Variants in NKAIN2 observed in about 807,000 individuals in gnomAD.
The protein encoded by NKAIN2 is sodium/potassium transporting ATPase interacting 2.
NKAIN2 carries 14 observed loss-of-function variants against 32.6 expected under a neutral mutation model. The observed-to-expected ratio is 0.43, with a 90% confidence interval of 0.28 to 0.67. NKAIN2 has a LOEUF of 0.67. Among genes scored for constraint, NKAIN2 ranks in the 30% least tolerant of loss-of-function variants. The probability of loss-of-function intolerance (pLI) is 0.17; values close to 1 mark genes in which losing one functional copy is unlikely to be tolerated. For synonymous variants in NKAIN2, 80 were observed against 87.2 expected (o/e 0.92, Z 0.46); for missense variants, 198 against 258.3 (o/e 0.77, Z 1.60).
intron 2 of NKAIN2, among the ~76,000 whole-genome samples, chr6:124,322,127 A>C (rs143893851): frequency 6.6e-6 from 1 of 152,172 alleles, no homozygotes; most frequent in African/African-American, 2.4e-5. Flanking sequence ...GCACTAAAAA[A>C]CTTTGTAAAC....
At position 124,486,184 on chromosome 6, in the gene NKAIN2, G is replaced by T. The variant is rs6916565; in HGVS notation, c.273+130837G>T. ...GAATGAAACATAAGGAGAATGCTGTGTTTTTTCTAAAACTCTTGTTGGCTG... is the reference window on the plus strand; with the variant it reads ...GAATGAAACATAAGGAGAATGCTGTTTTTTTTCTAAAACTCTTGTTGGCTG... On this transcript the variant is annotated intron_variant, in intron 3 of 6. Transcript: ENST00000368417. Among the ~76,000 whole-genome samples, 512 of 152,078 alleles carry T rather than the reference G, an allele frequency of 3.4e-3. 2 individuals carry two copies. Among genetic ancestry groups the T allele is most frequent in the Non-Finnish European group, 5.8e-3 (396 of 67,982 alleles).
At chr6:124,494,369 C>CA (rs796861730) in intron 3 of NKAIN2, among the ~76,000 whole-genome samples, 6 of 152,112 alleles carry the variant, frequency 3.9e-5, no homozygotes, top group Non-Finnish European at 5.9e-5. Context: ...AGAATATTCA[C>CA]AAAAAAGCCC....
intron 3 of NKAIN2, among the ~76,000 whole-genome samples, chr6:124,604,595 G>GA (rs537535028): frequency 6.0e-5 from 9 of 149,548 alleles, no homozygotes; most frequent in Admixed American, 2.0e-4. Flanking sequence ...ATCTCCACCA[G>GA]AAAAAATAAA....
intron 3 of NKAIN2, among the ~76,000 whole-genome samples, chr6:124,471,741 A>T (rs1026621952): frequency 2.0e-5 from 3 of 152,174 alleles, no homozygotes; most frequent in African/African-American, 7.2e-5. Context: ...AGTTCTTTTA[A>T]TTAAGTACAT....
intron 4 of NKAIN2, among the ~76,000 whole-genome samples, chr6:124,743,789 T>C (rs1400035569): frequency 4.0e-5 from 6 of 151,880 alleles, no homozygotes; most frequent in African/African-American, 1.2e-4. Context: ...CAAGGTTTAC[T>C]ATTTGCTATT....
At chr6:124,337,499 C>T (rs920075185) in intron 2 of NKAIN2, among the ~76,000 whole-genome samples, 3 of 152,002 alleles carry the variant, frequency 2.0e-5, no homozygotes, top group Non-Finnish European at 4.4e-5. Flanking sequence ...GGAGTGAGAC[C>T]CTGTCTCAAA....
chr6:123,935,557 A>G (rs986058228), intron 1 of NKAIN2, among the ~76,000 whole-genome samples: 3 of 152,022 alleles, frequency 2.0e-5, no homozygotes, highest in Non-Finnish European at 4.4e-5. Flanking sequence ...AGTGTATTTG[A>G]TTAAGGCTTA....
chr6:124,386,308 T>A (rs961702404), intron 3 of NKAIN2, among the ~76,000 whole-genome samples: 1 of 152,130 alleles, frequency 6.6e-6, no homozygotes, highest in Non-Finnish European at 1.5e-5. Flanking sequence ...GTGTTATCAT[T>A]CAATAGCTTT....
intron 1 of NKAIN2, among the ~76,000 whole-genome samples, chr6:123,871,351 G>T (rs913096974): frequency 3.9e-5 from 6 of 152,068 alleles, no homozygotes; most frequent in Non-Finnish European, 8.8e-5. Flanking sequence ...GCTGAAATAT[G>T]TTCCAACTTC....
intron 3 of NKAIN2, among the ~76,000 whole-genome samples, chr6:124,447,505 A>G (rs1210101945): frequency 1.3e-5 from 2 of 152,140 alleles, no homozygotes; most frequent in Non-Finnish European, 2.9e-5. Flanking sequence ...AGGAAATAAA[A>G]TTTCGGTCAC....
intron 1 of NKAIN2, among the ~76,000 whole-genome samples, chr6:124,184,829 C>A (rs1053516904): frequency 6.6e-6 from 1 of 152,056 alleles, no homozygotes; most frequent in Admixed American, 6.6e-5. Context: ...CTTACATGAT[C>A]ATCTTGCATT....
intron 3 of NKAIN2, among the ~76,000 whole-genome samples, chr6:124,406,950 A>C (rs1383092865): frequency 6.6e-6 from 1 of 151,894 alleles, no homozygotes; most frequent in Non-Finnish European, 1.5e-5. Flanking sequence ...TTATGTTTAT[A>C]ATTTTATGTA....
chr6:124,027,977 T>A (rs532751863), intron 1 of NKAIN2, among the ~76,000 whole-genome samples: 1 of 152,278 alleles, frequency 6.6e-6, no homozygotes, highest in Admixed American at 6.5e-5. Flanking sequence ...TAAATAGCCT[T>A]CCATGATCCA....
At chr6:124,649,897 A>G (rs1215817622) in intron 3 of NKAIN2, among the ~76,000 whole-genome samples, 1 of 152,206 alleles carries the variant, frequency 6.6e-6, no homozygotes, top group Non-Finnish European at 1.5e-5. Context: ...CAATAGATGT[A>G]CCTCACATCA....
intron 1 of NKAIN2, among the ~76,000 whole-genome samples, chr6:124,159,353 C>T (rs748600048): frequency 6.6e-6 from 1 of 152,136 alleles, no homozygotes; most frequent in African/African-American, 2.4e-5. Context: ...GGTAAAACCA[C>T]TCAGGGACTC....
chr6:123,955,665 C>T (rs1437157365), intron 1 of NKAIN2, among the ~76,000 whole-genome samples: 1 of 146,088 alleles, frequency 6.8e-6, no homozygotes, highest in African/African-American at 2.7e-5. Context: ...GCTCAGTCAC[C>T]CAAGCTGGAG....
At chr6:124,043,225 C>T (rs772559567) in intron 1 of NKAIN2, among the ~76,000 whole-genome samples, 3 of 151,850 alleles carry the variant, frequency 2.0e-5, no homozygotes, top group Admixed American at 6.6e-5. Context: ...GGCATGGTGG[C>T]GGGTGCCTTT....
chr6:124,003,596 G>A (rs1440635606), intron 1 of NKAIN2, among the ~76,000 whole-genome samples: 1 of 152,250 alleles, frequency 6.6e-6, no homozygotes, highest in South Asian at 2.1e-4. Flanking sequence ...ATAAGACATG[G>A]AATTTTGTAC....
intron 4 of NKAIN2, among the ~76,000 whole-genome samples, chr6:124,661,256 A>C (rs1784735492): frequency 6.6e-6 from 1 of 152,182 alleles, no homozygotes; most frequent in Non-Finnish European, 1.5e-5. Context: ...TTGTAAAGTC[A>C]GCTGAACTCT....
Sources: gnomAD v4.1 joint callset for allele counts (sites outside exome capture counted in the v4.1 genomes callset) on GRCh38, gnomAD v4.1.1 for gene constraint, MANE v1.5 for transcripts, NCBI Gene and HGNC (gene_info 2026-07-23, HGNC 2026-07-21) for gene names.